SLMAP: variants seen among roughly 807,000 people sequenced by gnomAD.
SLMAP encodes sarcolemmal membrane-associated protein.
A neutral mutation model predicts 128.8 loss-of-function variants in SLMAP; 44 were observed. The ratio of observed to expected loss-of-function variants is 0.34; its 90% CI spans 0.27 to 0.44. The LOEUF is 0.44. Among genes scored for constraint, SLMAP ranks in the 20% least tolerant of loss-of-function variants. SLMAP has a pLI of 1.00. For missense variants in SLMAP, 787 were observed against 985.3 expected (o/e 0.80, Z 2.69); for synonymous variants, 327 against 348.8 (o/e 0.94, Z 0.70).
At chr3:57,923,405 A>G (rs2096950285) in intron 23 of SLMAP, among the ~76,000 whole-genome samples, 1 of 152,214 alleles carries the variant, frequency 6.6e-6, no homozygotes. Flanking sequence ...AGAGTAGTAC[A>G]TGTTGTTCTT....
At chr3:57,794,747 A>G (rs1307618969) in intron 2 of SLMAP, among the ~76,000 whole-genome samples, 1 of 152,162 alleles carries the variant, frequency 6.6e-6, no homozygotes, top group Middle Eastern at 3.2e-3. Context: ...TCTAAGTTCT[A>G]GTTTATGTAG....
Position 57,756,590 on chromosome 3 carries a change from C to T in SLMAP, c.-1062C>T, listed in dbSNP as rs2077739182. The T allele has an allele frequency of 6.6e-6, 1 of 152,422 alleles. No homozygotes were observed. Among genetic ancestry groups the T allele is most frequent in the Non-Finnish European group, 1.5e-5 (1 of 68,200 alleles). The allele number at this position is 152,422 out of a possible 1,614,324, so 9.4% of individuals were successfully genotyped here. A position where few individuals can be genotyped will look rare whatever the true frequency, so the allele number is the denominator to read the frequency against. ...CTCGTCGGGCGCAGCTTGAGCTTGC[C>T]CCATCGGCCGCGATCGGTGGAGGCT... On this transcript the variant is annotated 5_prime_UTR_variant, in exon 2 of 25. Coordinates refer to ENST00000671191, the MANE Select transcript of SLMAP (RefSeq NM_001377540.1).
At position 57,913,191 on chromosome 3, in the gene SLMAP, C is replaced by T; in HGVS notation, c.2054C>T (p.Ala685Val). The T allele has an allele frequency of 6.3e-7, 1 of 1,591,064 alleles. No individual in the cohort carries two copies. Among genetic ancestry groups the T allele is most frequent in the Non-Finnish European group, 8.6e-7 (1 of 1,161,918 alleles). The stretch of plus-strand genomic sequence containing the variant: ...GAGAAGTTGAGAAAGGAATGGAATG[C>T]ATTGGAAACCGAATGCCATTCTCTA... ...ELEKLRKEWN[A>V]LETECHSLKR... The change falls in exon 21 of 25, where the codon GCA becomes GTA. Residue 685 changes from alanine (A) to valine (V), a missense_variant. By Grantham distance (64) the Ala-to-Val change is moderately conservative. Transcript: ENST00000671191.
chr3:57,847,140 ACT>A (rs1285531267), intron 4 of SLMAP, 55 bp from the exon 5 acceptor site: 4 of 1,135,052 alleles, frequency 3.5e-6, no homozygotes, highest in African/African-American at 3.1e-5. Flanking sequence ...GTGCTCTCAT[ACT>A]CTGTTTCCTC....
intron 2 of SLMAP, among the ~76,000 whole-genome samples, chr3:57,764,226 G>A (rs771625033): frequency 1.2e-4 from 19 of 152,236 alleles, no homozygotes; most frequent in Middle Eastern, 3.4e-3. Context: ...AGTGGGCCGG[G>A]TGCGGTGGCT....
intron 17 of SLMAP, chr3:57,900,118 A>T (rs1179326308): frequency 6.6e-6 from 1 of 152,194 alleles, no homozygotes; most frequent in Non-Finnish European, 1.5e-5. Flanking sequence ...AGCTACATAT[A>T]AGTAGCCTCT....
At chr3:57,880,568 G>A (rs115803393) in intron 14 of SLMAP, among the ~76,000 whole-genome samples, 2,931 of 152,048 alleles carry the variant, frequency 0.019, 47 homozygotes, top group Non-Finnish European at 0.03. Flanking sequence ...CACCTCTCTA[G>A]AGTATTGCTC....
chr3:57,878,095 G>A (rs907336130), intron 14 of SLMAP, among the ~76,000 whole-genome samples: 8 of 151,956 alleles, frequency 5.3e-5, no homozygotes, highest in Non-Finnish European at 7.4e-5. Context: ...CACCTGCCTT[G>A]GCCTCTCAAA....
intron 2 of SLMAP, among the ~76,000 whole-genome samples, chr3:57,830,787 G>T (rs1402905852): frequency 2.6e-5 from 4 of 152,116 alleles, no homozygotes; most frequent in Non-Finnish European, 1.5e-5. Flanking sequence ...GTATAGCTTT[G>T]CCTATTCTGG....
chr3:57,855,726 C>CA (rs554021712), intron 6 of SLMAP, among the ~76,000 whole-genome samples: 2,309 of 130,280 alleles, frequency 0.018, 77 homozygotes, highest in African/African-American at 0.061. Flanking sequence ...AAAAAAAAAA[C>CA]AAAAAAAAAA....
chr3:57,906,499 T>G (rs2096568429), intron 17 of SLMAP, among the ~76,000 whole-genome samples: 1 of 148,602 alleles, frequency 6.7e-6, no homozygotes, highest in African/African-American at 2.5e-5. Context: ...GTATTTTTAG[T>G]AGAGACGGGG....
intron 2 of SLMAP, among the ~76,000 whole-genome samples, chr3:57,823,434 T>C (rs1212276791): frequency 6.6e-6 from 1 of 152,118 alleles, no homozygotes; most frequent in African/African-American, 2.4e-5. Context: ...GTGTTCTCAT[T>C]GTTCAATTCC....
intron 22 of SLMAP, among the ~76,000 whole-genome samples, chr3:57,919,631 A>T (rs779883993): frequency 2.0e-5 from 3 of 151,402 alleles, no homozygotes; most frequent in Non-Finnish European, 4.4e-5. Context: ...CCCGTCTCTA[A>T]TAAAAATACA....
intron 2 of SLMAP, among the ~76,000 whole-genome samples, chr3:57,785,214 G>A (rs2083843498): frequency 1.3e-5 from 2 of 152,152 alleles, no homozygotes; most frequent in Admixed American, 1.3e-4. Flanking sequence ...CAAATATGTT[G>A]TAATAGGTTA....
intron 2 of SLMAP, among the ~76,000 whole-genome samples, chr3:57,780,219 T>C (rs1215280289): frequency 1.3e-5 from 2 of 151,746 alleles, no homozygotes; most frequent in African/African-American, 4.8e-5. Flanking sequence ...TGATCACTGC[T>C]CACTGCAGCC....
chr3:57,758,123 A>T (rs571340945), intron 2 of SLMAP, among the ~76,000 whole-genome samples: 1 of 152,368 alleles, frequency 6.6e-6, no homozygotes, highest in South Asian at 2.1e-4. Flanking sequence ...CAAACTAGAT[A>T]GTGAAACTTG....
rs112836711 is a variant in SLMAP, at chr3:57,821,912, TTCC to T, written c.199-9444_199-9442del. Among the ~76,000 whole-genome samples the T allele has an allele frequency of 5.9e-4, 88 of 148,716 alleles. 1 individual carries two copies. Among genetic ancestry groups the T allele is most frequent in the African/African-American group, 1.6e-3 (67 of 40,744 alleles). On this transcript the variant is annotated intron_variant, in intron 2 of 24. Coordinates refer to ENST00000671191, the MANE Select transcript of SLMAP (RefSeq NM_001377540.1). ...ATATATAAATTTGCTGCAATACCTG[TTCC>T]TCCTCCTCCTCCTCCTCCTCCTCCT...
intron 6 of SLMAP, among the ~76,000 whole-genome samples, chr3:57,857,076 ACC>A (rs1311452791): frequency 6.6e-6 from 1 of 152,076 alleles, no homozygotes; most frequent in African/African-American, 2.4e-5. Flanking sequence ...TAAAATGCAA[ACC>A]TGAAACATTT....
intron 3 of SLMAP, among the ~76,000 whole-genome samples, chr3:57,839,161 C>A (rs1342162794): frequency 6.6e-6 from 1 of 151,892 alleles, no homozygotes; most frequent in African/African-American, 2.4e-5. Flanking sequence ...CTATGTTGCC[C>A]AAGCTGAACT....
Sources: gnomAD v4.1 joint callset for allele counts (sites outside exome capture counted in the v4.1 genomes callset) on GRCh38, gnomAD v4.1.1 for gene constraint, MANE v1.5 for transcripts, NCBI Gene and HGNC (gene_info 2026-07-23, HGNC 2026-07-21) for gene names.